Variants in AGBL4 observed in about 807,000 individuals in gnomAD.
AGBL4 encodes the protein cytosolic carboxypeptidase 6.
In AGBL4, 58 loss-of-function variants were observed where a neutral mutation model predicts 66.4. The ratio of observed to expected loss-of-function variants is 0.87; its 90% CI spans 0.71 to 1.09. AGBL4 has a LOEUF of 1.09. Ranked by LOEUF, AGBL4 falls within the 50% of genes least tolerant of loss-of-function variation. AGBL4 has a pLI of 0.00. For missense variants in AGBL4, 579 were observed against 631.0 expected, an observed-to-expected ratio of 0.92 and a Z score of 0.88; for synonymous variants, 234 against 222.9, an observed-to-expected ratio of 1.05 and a Z score of -0.44.
intron 4 of AGBL4, among the ~76,000 whole-genome samples, chr1:49,077,611 T>C (rs1174642268): frequency 6.6e-6 from 1 of 152,178 alleles, no homozygotes; most frequent in Non-Finnish European, 1.5e-5. Context: ...TGACACAAAG[T>C]TAGTTTCAGA....
At chr1:48,717,282 C>T (rs1271327433) in intron 6 of AGBL4, among the ~76,000 whole-genome samples, 1 of 152,230 alleles carries the variant, frequency 6.6e-6, no homozygotes, top group African/African-American at 2.4e-5. Flanking sequence ...TGGCATGTGT[C>T]CTTCCTGCCT....
At chr1:48,566,772 T>C (rs953117075) in intron 11 of AGBL4, among the ~76,000 whole-genome samples, 1 of 152,204 alleles carries the variant, frequency 6.6e-6, no homozygotes, top group African/African-American at 2.4e-5. Context: ...GCCTTTGTTC[T>C]TGAAAAGTAA....
chr1:48,736,249 G>A lies in AGBL4; in HGVS notation c.635-73008C>T, dbSNP rs758239714. 19 of 1,614,026 alleles carry A rather than the reference G, an allele frequency of 1.2e-5. No homozygotes were observed. In the South Asian group the frequency reaches 1.9e-4, roughly 16 times the overall value. On this transcript the variant is annotated intron_variant, in intron 6 of 13. Coordinates refer to ENST00000371839, the MANE Select transcript of AGBL4 (RefSeq NM_032785.4). This position sits in a 1 kb window ranked among gnomAD's most constrained non-coding sequence, Gnocchi z 4.0. ...CACTCAGTGACCTACCTCTGACGAT[G>A]CTTAGTTTGTGAGGCGAGAGGGGTG...
intron 1 of AGBL4, among the ~76,000 whole-genome samples, chr1:49,884,456 C>G (rs992108765): frequency 1.3e-5 from 2 of 151,564 alleles, no homozygotes; most frequent in African/African-American, 2.4e-5. Context: ...AGATTCAGTT[C>G]TATAAAGTAT....
chr1:48,909,118 G>C (rs561711479), intron 5 of AGBL4, among the ~76,000 whole-genome samples: 9 of 152,112 alleles, frequency 5.9e-5, no homozygotes, highest in African/African-American at 2.2e-4. Context: ...AATTGTGTTA[G>C]GCTACTAAAT....
intron 3 of AGBL4, among the ~76,000 whole-genome samples, chr1:49,503,003 C>G (rs1382396841): frequency 6.6e-6 from 1 of 152,028 alleles, no homozygotes; most frequent in Non-Finnish European, 1.5e-5. Context: ...AAAATGCTTC[C>G]AGGGCATGTC....
intron 6 of AGBL4, among the ~76,000 whole-genome samples, chr1:48,758,654 C>T (rs1644077340): frequency 6.6e-6 from 1 of 152,202 alleles, no homozygotes; most frequent in Non-Finnish European, 1.5e-5. Flanking sequence ...AATATTTTGT[C>T]AGCTCTTAGT....
intron 2 of AGBL4, among the ~76,000 whole-genome samples, chr1:49,820,523 G>A (rs1459726238): frequency 6.6e-6 from 1 of 152,104 alleles, no homozygotes; most frequent in Non-Finnish European, 1.5e-5. Context: ...CCATTACGGA[G>A]GAATAAGATA....
At chr1:49,539,462 CT>C (rs1432759819) in intron 3 of AGBL4, among the ~76,000 whole-genome samples, 1 of 152,182 alleles carries the variant, frequency 6.6e-6, no homozygotes, top group Non-Finnish European at 1.5e-5. Flanking sequence ...TCAATCTCCT[CT>C]CTGGCTGTGT....
chr1:48,830,073 T>C (rs1033895824), intron 6 of AGBL4, among the ~76,000 whole-genome samples: 1 of 152,122 alleles, frequency 6.6e-6, no homozygotes, highest in Non-Finnish European at 1.5e-5. Flanking sequence ...GTCTTAATGA[T>C]GCAGGCAGAA....
chr1:49,420,700 CAA>C lies in AGBL4; in HGVS notation c.283-174838_283-174837del, dbSNP rs34864072. On this transcript the variant is annotated intron_variant, in intron 3 of 13. Transcript: ENST00000371839. ...TGGGTGACTGAGCGAGACTCCGTCT[CAA>C]AAAAAAAAAAAAAAGTGCTCTGTAT... is the stretch of plus-strand genomic sequence containing the variant. Among the ~76,000 whole-genome samples, 226 of 124,560 alleles carry C rather than the reference CAA, an allele frequency of 1.8e-3. 1 individual carries two copies. Among genetic ancestry groups the C allele is most frequent in the South Asian group, 0.013 (48 of 3,814 alleles). 81.7% of individuals were successfully genotyped at this position (124,560 alleles called of 152,430 possible).
At chr1:49,323,448 ATT>A (rs11295329) in intron 3 of AGBL4, among the ~76,000 whole-genome samples, 2,653 of 114,934 alleles carry the variant, frequency 0.023, 73 homozygotes, top group African/African-American at 0.081. Context: ...TGCCTGGCTA[ATT>A]TTTTTTTTTT....
intron 1 of AGBL4, among the ~76,000 whole-genome samples, chr1:49,976,627 A>T (rs1391775480): frequency 6.6e-6 from 1 of 152,184 alleles, no homozygotes; most frequent in Non-Finnish European, 1.5e-5. Context: ...GCTCAAAATA[A>T]AGCACCTCCA....
chr1:49,235,056 T>C (rs1022884781), intron 4 of AGBL4, among the ~76,000 whole-genome samples: 17 of 152,192 alleles, frequency 1.1e-4, no homozygotes, highest in Admixed American at 1.3e-4. Context: ...GGAAAAACAT[T>C]AGAAAGCCTG....
intron 5 of AGBL4, among the ~76,000 whole-genome samples, chr1:48,972,577 A>C (rs1023238938): frequency 6.6e-6 from 1 of 152,124 alleles, no homozygotes; most frequent in Non-Finnish European, 1.5e-5. Context: ...GAGGTAGGTG[A>C]CTTTCTTACA....
intron 3 of AGBL4, among the ~76,000 whole-genome samples, chr1:49,453,585 G>C (rs1479727957): frequency 1.3e-5 from 2 of 151,756 alleles, no homozygotes; most frequent in Admixed American, 6.6e-5. Context: ...ATGATATGTT[G>C]CTACTAAAAT....
chr1:49,385,960 C>T (rs1302788178), intron 3 of AGBL4, among the ~76,000 whole-genome samples: 1 of 151,978 alleles, frequency 6.6e-6, no homozygotes, highest in East Asian at 1.9e-4. Context: ...TCACTTAGTA[C>T]ATTAGTAAAA....
chr1:49,085,869 T>C (rs1229770431), intron 4 of AGBL4, among the ~76,000 whole-genome samples: 1 of 152,084 alleles, frequency 6.6e-6, no homozygotes, highest in East Asian at 1.9e-4. Flanking sequence ...GGACATTTTG[T>C]GGGGGCAACT....
chr1:48,600,284 A>C (rs1645054961), intron 9 of AGBL4, among the ~76,000 whole-genome samples: 1 of 152,150 alleles, frequency 6.6e-6, no homozygotes, highest in African/African-American at 2.4e-5. Context: ...GGGGTGTGGG[A>C]AGTTCCCAGG....
Sources: allele counts gnomAD v4.1 joint callset (sites outside exome capture counted in the v4.1 genomes callset), GRCh38; gene constraint gnomAD v4.1.1; non-coding constraint Gnocchi (gnomAD v3.1); transcripts MANE v1.5; gene names NCBI Gene and HGNC (gene_info 2026-07-23, HGNC 2026-07-21).